Variants in XG observed in about 807,000 individuals in gnomAD.
The protein encoded by XG is Xg glycoprotein (Xg blood group).
A neutral mutation model predicts 25.7 loss-of-function variants in XG; 24 were observed. The observed-to-expected ratio is 0.93, with a 90% CI of 0.68 to 1.31. The LOEUF (loss-of-function observed/expected upper bound fraction) is 1.31. XG is among the 40% of genes most tolerant of loss of function. The probability of loss-of-function intolerance (pLI) is 0.00; values close to 1 mark genes in which losing one functional copy is unlikely to be tolerated. For missense variants in XG, 181 were observed against 187.6 expected, an observed-to-expected ratio of 0.96 and a Z score of 0.21; for synonymous variants, 77 against 69.2, an observed-to-expected ratio of 1.11 and a Z score of -0.56.
intron 1 of XG, among the ~76,000 whole-genome samples, chrX:2,762,944 G>A (rs1409238914): frequency 6.6e-6 from 1 of 152,176 alleles, no homozygotes; most frequent in East Asian, 1.9e-4. Flanking sequence ...TAAGCAAGAA[G>A]GTGATTGTAG....
At chrX:2,756,777 G>A (rs1409857868) in intron 1 of XG, among the ~76,000 whole-genome samples, 1 of 152,154 alleles carries the variant, frequency 6.6e-6, no homozygotes, top group Non-Finnish European at 1.5e-5. Flanking sequence ...CCTCTTATGG[G>A]AGGCAGAACT....
intron 4 of XG, among the ~76,000 whole-genome samples, chrX:2,787,709 C>T (rs1395405949): frequency 9.1e-6 from 1 of 110,248 alleles, no homozygotes; most frequent in Non-Finnish European, 1.9e-5. Context: ...GATTTCAAGA[C>T]CAGCCTGGCC....
rs1457770958 is a variant in XG, at chrX:2,773,295, T to G, written c.104-1421T>G. On this transcript the variant is annotated intron_variant, in intron 2 of 10. Transcript: ENST00000644266. ...GGGGAGGAAGGAAGAAGGAGAGGAA[T>G]GAAGGAGGAAGGGAAGAAAGGAGGG... Among the ~76,000 whole-genome samples the G allele has an allele frequency of 4.8e-3, 354 of 73,680 alleles. No individual in the cohort carries two copies. The Middle Eastern group carries it at 0.061, about 13-fold the overall frequency. The allele number at this position is 73,680 out of a possible 152,430, so 48.3% of individuals were successfully genotyped here. A position where few individuals can be genotyped will look rare whatever the true frequency, so the allele number is the denominator to read the frequency against.
chrX:2,797,000 A>T (rs767095795), intron 6 of XG, among the ~76,000 whole-genome samples: 1 of 112,120 alleles, frequency 8.9e-6, no homozygotes, highest in South Asian at 3.8e-4. Context: ...ATCTCATATC[A>T]GTTTCTCGGC....
At chrX:2,774,150 A>G (rs966056420) in intron 2 of XG, among the ~76,000 whole-genome samples, 9 of 152,020 alleles carry the variant, frequency 5.9e-5, no homozygotes, top group Non-Finnish European at 1.3e-4. Context: ...TTTCCCAGCC[A>G]TGGCCGACTC....
intron 1 of XG, among the ~76,000 whole-genome samples, chrX:2,761,056 A>T (rs1276152917): frequency 2.0e-5 from 3 of 152,152 alleles, no homozygotes; most frequent in Non-Finnish European, 2.9e-5. Flanking sequence ...ACACATTTGT[A>T]TTCCAATGAA....
At chrX:2,779,540 G>C (rs2051074183) in intron 3 of XG, among the ~76,000 whole-genome samples, 1 of 152,146 alleles carries the variant, frequency 6.6e-6, no homozygotes, top group Admixed American at 6.5e-5. Flanking sequence ...TGGGGGATTA[G>C]TTTTAAGACG....
intron 1 of XG, among the ~76,000 whole-genome samples, chrX:2,760,389 T>C (rs770820975): frequency 6.6e-6 from 1 of 151,876 alleles, no homozygotes; most frequent in South Asian, 2.1e-4. Flanking sequence ...CAAATGGAAG[T>C]CCTAACCTGC....
At chrX:2,762,136 A>G (rs1434780856) in intron 1 of XG, among the ~76,000 whole-genome samples, 1 of 152,148 alleles carries the variant, frequency 6.6e-6, no homozygotes, top group East Asian at 1.9e-4. Context: ...GCCTCATTGC[A>G]TGGTCTGCGG....
intron 10 of XG, 142 bp from the exon 11 acceptor site, chrX:2,814,222 T>A (rs2087083822): frequency 1.4e-6 from 1 of 703,155 alleles, no homozygotes; most frequent in Non-Finnish European, 2.0e-6. Context: ...CATTTTTTTC[T>A]GTTCTAATCT....
At chrX:2,761,717 AGAG>A (rs1439991165) in intron 1 of XG, among the ~76,000 whole-genome samples, 2 of 151,714 alleles carry the variant, frequency 1.3e-5, no homozygotes, top group South Asian at 4.2e-4. Flanking sequence ...CCTCATAAGA[AGAG>A]GAGATGAGGA....
chrX:2,813,938 T>A (rs1034594075), intron 10 of XG, among the ~76,000 whole-genome samples: 1 of 112,713 alleles, frequency 8.9e-6, no homozygotes, highest in African/African-American at 3.2e-5. Flanking sequence ...TAACAGTTTT[T>A]AAATATTTTC....
intron 2 of XG, among the ~76,000 whole-genome samples, chrX:2,773,481 GGGAA>G (rs201385717): frequency 0.01 from 1,378 of 135,954 alleles, 40 homozygotes; most frequent in African/African-American, 0.036. Context: ...AAAGGAGAGA[GGGAA>G]GGAAGGAAGG....
rs774821965 is a variant in XG, at chrX:2,772,578, C to T, written c.103+1987C>T. Among the ~76,000 whole-genome samples, 24 of 152,136 alleles carry T rather than the reference C, an allele frequency of 1.6e-4. No homozygotes were observed. The South Asian group carries it at 4.8e-3, about 30-fold the overall frequency. ...GAGGGGACAAAAGGGAGGGACTGCT[C>T]GTGGCTATGGGGTCTCCTTTTGGGG... On this transcript the variant is annotated intron_variant, in intron 2 of 10. Coordinates refer to ENST00000644266, the MANE Select transcript of XG (RefSeq NM_001141919.2).
At chrX:2,767,005 A>G (rs1312624423) in intron 1 of XG, among the ~76,000 whole-genome samples, 2 of 152,000 alleles carry the variant, frequency 1.3e-5, no homozygotes, top group African/African-American at 4.8e-5. Context: ...TCGGTGCCTT[A>G]GGGGAGAATG....
At chrX:2,757,066 G>A (rs866419149) in intron 1 of XG, among the ~76,000 whole-genome samples, 3 of 152,122 alleles carry the variant, frequency 2.0e-5, no homozygotes, top group Admixed American at 6.5e-5. Flanking sequence ...GACTCTTAGC[G>A]GGATGGTTGG....
chrX:2,805,641 C>A (rs1179866700), intron 7 of XG, among the ~76,000 whole-genome samples: 1 of 110,703 alleles, frequency 9.0e-6, no homozygotes, highest in Non-Finnish European at 1.9e-5. Context: ...GTGAGCAGGG[C>A]TGGTTCCTCC....
chrX:2,771,254 A>G (rs766330814), intron 2 of XG, among the ~76,000 whole-genome samples: 1 of 150,536 alleles, frequency 6.6e-6, no homozygotes, highest in Non-Finnish European at 1.5e-5. Context: ...CTTTTCTTAC[A>G]CTTCAGTTCA....
rs2051066288 is a variant in XG at position 2,779,208 on chromosome X, C to T, written c.128-2858C>T. ...AGATACAATACAAAAAGCATAACCACGCCCATAGTCCCAGCTACTCAGGAG... is the reference window on the plus strand; with the variant it reads ...AGATACAATACAAAAAGCATAACCATGCCCATAGTCCCAGCTACTCAGGAG... On this transcript the variant is annotated intron_variant, in intron 3 of 10. Transcript: ENST00000644266. Among the ~76,000 whole-genome samples the T allele has an allele frequency of 2.6e-5, 4 of 151,170 alleles. No homozygotes were observed. In the South Asian group the frequency reaches 8.4e-4, roughly 32 times the overall value.
Sources: allele counts gnomAD v4.1 joint callset (sites outside exome capture counted in the v4.1 genomes callset), GRCh38; gene constraint gnomAD v4.1.1; transcripts MANE v1.5; gene names NCBI Gene and HGNC (gene_info 2026-07-23, HGNC 2026-07-21).